Variants in CXXC5 observed in about 807,000 individuals in gnomAD.
CXXC5 encodes the protein CXXC-type zinc finger protein 5.
CXXC5 carries 2 observed loss-of-function variants against 17.6 expected under a neutral mutation model. The observed-to-expected ratio is 0.11, with a 90% CI of 0.05 to 0.36. CXXC5 has a LOEUF of 0.36. Ranked by LOEUF, CXXC5 falls within the 10% of genes least tolerant of loss-of-function variation. CXXC5 has a pLI of 1.00. For synonymous variants in CXXC5, 171 were observed against 193.0 expected, an observed-to-expected ratio of 0.89 and a Z score of 0.94; for missense variants, 343 against 458.3, an observed-to-expected ratio of 0.75 and a Z score of 2.30.
chr5:139,653,094 C>T (rs1052662690), intron 1 of CXXC5, among the ~76,000 whole-genome samples: 1 of 151,896 alleles, frequency 6.6e-6, no homozygotes, highest in African/African-American at 2.4e-5. Context: ...TAGAACTGAA[C>T]CTCTCACACC....
At chr5:139,678,761 AGT>A (rs1450338659) in intron 1 of CXXC5, among the ~76,000 whole-genome samples, 1 of 152,112 alleles carries the variant, frequency 6.6e-6, no homozygotes, top group Non-Finnish European at 1.5e-5. Context: ...ACAAAGATCC[AGT>A]GTGTGCTGCC....
intron 1 of CXXC5, among the ~76,000 whole-genome samples, chr5:139,673,376 G>T (rs1466697642): frequency 2.0e-5 from 3 of 152,140 alleles, no homozygotes; most frequent in African/African-American, 7.2e-5. Flanking sequence ...AAAGGAACCT[G>T]GCCTGAGGGA....
chr5:139,652,331 T>A (rs1388871183), intron 1 of CXXC5, among the ~76,000 whole-genome samples: 5 of 151,978 alleles, frequency 3.3e-5, no homozygotes, highest in Non-Finnish European at 5.9e-5. Flanking sequence ...AATATCCCAC[T>A]AAAGTTTTTT....
chr5:139,675,055 CTCT>C (rs1756704043), intron 1 of CXXC5, among the ~76,000 whole-genome samples: 1 of 152,168 alleles, frequency 6.6e-6, no homozygotes, highest in African/African-American at 2.4e-5. Flanking sequence ...CCCCTTCCGG[CTCT>C]TGTTTCACGC....
intron 1 of CXXC5, among the ~76,000 whole-genome samples, chr5:139,651,982 G>A (rs1016421012): frequency 6.6e-6 from 1 of 151,982 alleles, no homozygotes; most frequent in African/African-American, 2.4e-5. Context: ...CCACCCTTCT[G>A]GTGGTACACA....
rs1755928676 is a variant in CXXC5 at position 139,663,422 on chromosome 5, G to A, written c.-161+14577G>A. ...AGAAGAGCCGACATGAGCTGGCAGG[G>A]CTGAGGGCGAGGGAGGTAGGAGGAA... On this transcript the variant is annotated intron_variant, in intron 1 of 2. Transcript: ENST00000302517. This position sits in a 1 kb window ranked among gnomAD's most constrained non-coding sequence, Gnocchi z 4.2. Among the ~76,000 whole-genome samples, 1 of 152,140 alleles carries A rather than the reference G, an allele frequency of 6.6e-6. No homozygotes were observed. Among genetic ancestry groups the A allele is most frequent in the African/African-American group, 2.4e-5 (1 of 41,418 alleles).
Position 139,680,576 on chromosome 5 carries a change from G to A in CXXC5, c.53G>A (p.Ser18Asn). The A allele has an allele frequency of 6.3e-7, 1 of 1,597,806 alleles. No homozygotes were observed. Among genetic ancestry groups the A allele is most frequent in the Non-Finnish European group, 8.5e-7 (1 of 1,173,232 alleles). Reference sequence around the variant, plus strand: ...GATGCCGGCGGCAGTAGCAGCAGCAGCACCAATGGCAGCGGTGGCAGTGGC... The same window carrying A: ...GATGCCGGCGGCAGTAGCAGCAGCAACACCAATGGCAGCGGTGGCAGTGGC... ...SQDAGGSSSS[S>N]TNGSGGSGSS... Residue 18 changes from serine to asparagine, a missense_variant, in exon 2 of 3, where the codon AGC becomes AAC. This residue lies in a region of CXXC5 where 297 missense variants were observed against 363.4 expected (regional missense o/e 0.82). Transcript: ENST00000302517.
In CXXC5 at chr5:139,681,455, C is replaced by T. The variant is rs371999380; in HGVS notation, c.924+8C>T. The T allele has an allele frequency of 5.8e-5, 90 of 1,550,788 alleles. No homozygotes were observed. The highest frequency in any genetic ancestry group is 1.8e-4 in the East Asian group (8 of 44,150). On this transcript the variant is annotated splice_region_variant and intron_variant, in intron 2 of 2. Transcript: ENST00000302517. ...CCTTCCGCTGCTCTGGAGGTAACGG[C>T]GCCTTAGAGGGAGGTGTGTGGGCTC...
chr5:139,675,994 G>T (rs1474870344), intron 1 of CXXC5, among the ~76,000 whole-genome samples: 1 of 141,608 alleles, frequency 7.1e-6, no homozygotes, highest in African/African-American at 2.7e-5. Context: ...CTGCCAGGAA[G>T]GTGGCCCCAG....
chr5:139,662,093 G>A (rs1005935239), intron 1 of CXXC5, among the ~76,000 whole-genome samples: 4 of 150,648 alleles, frequency 2.7e-5, no homozygotes, highest in African/African-American at 7.4e-5. Context: ...GTGACAGGGT[G>A]TGCCAGAGAT....
intron 1 of CXXC5, among the ~76,000 whole-genome samples, chr5:139,669,179 G>A (rs1046432501): frequency 6.6e-6 from 1 of 152,202 alleles, no homozygotes; most frequent in Non-Finnish European, 1.5e-5. Context: ...TTTTCCTCGG[G>A]GAAGCAGTGG....
At position 139,668,405 on chromosome 5, in the gene CXXC5, C is replaced by A. The variant is rs1440459252; in HGVS notation, c.-160-11959C>A. On this transcript the variant is annotated intron_variant, in intron 1 of 2. Coordinates refer to ENST00000302517, the MANE Select transcript of CXXC5 (RefSeq NM_016463.9). The surrounding 1 kb of genome is among the most constrained non-coding windows in gnomAD (Gnocchi z 4.1). ...CGTGCCTGCGCGGCTCTGGCGGCCG[C>A]GTCTGCCGCCCCGGCGCCCGCCCGG... Among the ~76,000 whole-genome samples, 2 of 151,932 alleles carry A rather than the reference C, an allele frequency of 1.3e-5. No individual in the cohort carries two copies. The highest frequency in any genetic ancestry group is 4.8e-5 in the African/African-American group (2 of 41,394).
intron 1 of CXXC5, among the ~76,000 whole-genome samples, chr5:139,672,439 C>T (rs1756533911): frequency 6.6e-6 from 1 of 152,212 alleles, no homozygotes; most frequent in African/African-American, 2.4e-5. Context: ...ATTTTAATGT[C>T]CTCTGGGGAA....
Position 139,681,428 on chromosome 5 carries a change from A to G in CXXC5, c.905A>G (p.Lys302Arg), listed in dbSNP as rs775117138. Reference sequence around the variant, plus strand: ...AGAAAATGTGAGGAACTCAAAAAGAAGCCTTCCGCTGCTCTGGAGGTAACG... The same window carrying G: ...AGAAAATGTGAGGAACTCAAAAAGAGGCCTTCCGCTGCTCTGGAGGTAACG... ...KFRKCEELKK[K>R]PSAALEKVML... The change falls in exon 2 of 3, where the codon AAG becomes AGG. Residue 302 changes from lysine (K) to arginine (R), a missense_variant. This residue lies in a region of CXXC5 where 23 missense variants were observed against 31.0 expected (regional missense o/e 0.74). Transcript: ENST00000302517. 3 of 1,581,032 alleles carry G rather than the reference A, an allele frequency of 1.9e-6. No individual in the cohort carries two copies. The highest frequency in any genetic ancestry group is 2.6e-6 in the Non-Finnish European group (3 of 1,159,870).
chr5:139,678,620 C>G (rs1335614214), intron 1 of CXXC5, among the ~76,000 whole-genome samples: 1 of 152,190 alleles, frequency 6.6e-6, no homozygotes, highest in African/African-American at 2.4e-5. Flanking sequence ...CTCCTTAGTC[C>G]TGGGGAAGCC....
chr5:139,680,902 G>A lies in CXXC5; in HGVS notation c.379G>A (p.Val127Met), dbSNP rs761055117. The change falls in exon 2 of 3, where the codon GTG becomes ATG. Residue 127 changes from valine to methionine, a missense_variant. Val to Met is a conservative substitution (Grantham distance 21). Transcript: ENST00000302517. ...GCATGACCTGGCGGCGGCCATGGCG[G>A]TGGACAAAAGCAACCCTACCTCAAA... ...NGHDLAAAMA[V>M]DKSNPTSKHK... 4 of 1,603,834 alleles carry A rather than the reference G, an allele frequency of 2.5e-6. No individual in the cohort carries two copies. The highest frequency in any genetic ancestry group is 2.2e-5 in the East Asian group (1 of 44,876).
In CXXC5 at chr5:139,663,565, C is replaced by A. The variant is rs757494844; in HGVS notation, c.-161+14720C>A. On this transcript the variant is annotated intron_variant, in intron 1 of 2. Transcript: ENST00000302517. The surrounding 1 kb of genome is among the most constrained non-coding windows in gnomAD (Gnocchi z 4.2). ...CAGGCTTCTACCACATGTCCATCCC[C>A]CCATGGTCCTGCAGGCTAGACGGGG... Among the ~76,000 whole-genome samples, 19 of 152,154 alleles carry A rather than the reference C, an allele frequency of 1.2e-4. No homozygotes were observed. The highest frequency in any genetic ancestry group is 2.6e-4 in the Non-Finnish European group (18 of 68,020).
At chr5:139,656,067 C>T (rs558141574) in intron 1 of CXXC5, among the ~76,000 whole-genome samples, 1 of 152,186 alleles carries the variant, frequency 6.6e-6, no homozygotes, top group African/African-American at 2.4e-5. Context: ...TTGCCTGTGA[C>T]CTTTTCTGAC....
Position 139,663,131 on chromosome 5 carries a change from G to T in CXXC5, c.-161+14286G>T, listed in dbSNP as rs537258679. 6.8e-4 allele frequency among the ~76,000 whole-genome samples: 103 copies of T among 152,244 alleles called. No individual in the cohort carries two copies. The highest frequency in any genetic ancestry group is 6.5e-4 in the Non-Finnish European group (44 of 68,020). ...CTGAGCTGGGGGCCAGGGGTTGGGG[G>T]AGGGATGGGAATGGGTTGGACCCAG... On this transcript the variant is annotated intron_variant, in intron 1 of 2. Coordinates refer to ENST00000302517, the MANE Select transcript of CXXC5 (RefSeq NM_016463.9). This position sits in a 1 kb window ranked among gnomAD's most constrained non-coding sequence, Gnocchi z 4.2.
Sources: gnomAD v4.1 joint callset for allele counts (sites outside exome capture counted in the v4.1 genomes callset) on GRCh38, gnomAD v4.1.1 for gene constraint, gnomAD v4.1.1 regional missense constraint, Gnocchi (gnomAD v3.1) non-coding constraint, MANE v1.5 for transcripts, NCBI Gene and HGNC (gene_info 2026-07-23, HGNC 2026-07-21) for gene names.